Variants in NBEA observed in about 807,000 individuals in gnomAD.
NBEA encodes lysosomal-trafficking regulator 2.
In NBEA, 44 loss-of-function variants were observed where a neutral mutation model predicts 343.4. That is an observed-to-expected ratio of 0.13 (90% CI 0.10 to 0.16). NBEA has a LOEUF of 0.16. NBEA is among the 10% of genes least tolerant of loss of function. NBEA has a pLI of 1.00. For missense variants in NBEA, 2,555 were observed against 3,631.3 expected, an observed-to-expected ratio of 0.70 and a Z score of 7.62; for synonymous variants, 1,175 against 1,238.7, an observed-to-expected ratio of 0.95 and a Z score of 1.08.
At position 35,271,668 on chromosome 13, in the gene NBEA, G is replaced by A. The variant is rs113024880; in HGVS notation, c.5777-18721G>A. On this transcript the variant is annotated intron_variant, in intron 34 of 58. Coordinates refer to ENST00000379939, the MANE Select transcript of NBEA (RefSeq NM_001385012.1). ...GTGTAGAGAAGAGCTTAAGTGACCT[G>A]ATGGACCTGAAAATTGCAGTACGAG... is the stretch of plus-strand genomic sequence containing the variant. Among the ~76,000 whole-genome samples, 1,469 of 152,306 alleles carry A rather than the reference G, an allele frequency of 9.6e-3. 8 individuals are homozygous for A. Among genetic ancestry groups the A allele is most frequent in the Non-Finnish European group, 0.013 (881 of 68,024 alleles).
At chr13:35,208,569 G>A (rs2073554799) in intron 31 of NBEA, 131 bp from the exon 32 acceptor site, 2 of 731,596 alleles carry the variant, frequency 2.7e-6, no homozygotes, top group East Asian at 5.9e-5. Context: ...GGACTAAGGA[G>A]TTTAAAATTT....
At chr13:35,616,436 C>T (rs1204045249) in intron 48 of NBEA, among the ~76,000 whole-genome samples, 1 of 152,128 alleles carries the variant, frequency 6.6e-6, no homozygotes, top group African/African-American at 2.4e-5. Context: ...AATTGTGACC[C>T]AGACTTAAAA....
At chr13:35,230,643 A>G (rs117286929) in intron 33 of NBEA, among the ~76,000 whole-genome samples, 2,429 of 152,218 alleles carry the variant, frequency 0.016, 26 homozygotes, top group Middle Eastern at 0.034. Context: ...GAAGGAATTA[A>G]TGAAATTGTA....
chr13:34,967,225 G>T (rs1201776689), intron 1 of NBEA, among the ~76,000 whole-genome samples: 1 of 151,828 alleles, frequency 6.6e-6, no homozygotes, highest in Non-Finnish European at 1.5e-5. Context: ...TTGGGCAACT[G>T]AATTAAATCT....
intron 28 of NBEA, chr13:35,179,855 G>C (rs2071190090): frequency 1.1e-6 from 1 of 892,382 alleles, no homozygotes; most frequent in African/African-American, 1.8e-5. Flanking sequence ...AACTGCTTAG[G>C]CATTTGATTT....
chr13:35,289,826 A>G (rs993176871), intron 34 of NBEA, among the ~76,000 whole-genome samples: 6 of 151,796 alleles, frequency 4.0e-5, no homozygotes, highest in African/African-American at 1.4e-4. Flanking sequence ...ATTGGAGTAT[A>G]ACGGTGAAAT....
chr13:35,581,207 A>G (rs2081013159), intron 45 of NBEA, among the ~76,000 whole-genome samples: 1 of 152,148 alleles, frequency 6.6e-6, no homozygotes, highest in Non-Finnish European at 1.5e-5. Flanking sequence ...ACTGACTTCC[A>G]CAATGGTTGA....
intron 41 of NBEA, among the ~76,000 whole-genome samples, chr13:35,547,958 G>C (rs1395103064): frequency 1.3e-5 from 2 of 152,072 alleles, no homozygotes. Context: ...CTCTGCTACA[G>C]AACGGCTCGG....
At chr13:35,167,354 T>C (rs938764004) in intron 24 of NBEA, among the ~76,000 whole-genome samples, 4 of 151,998 alleles carry the variant, frequency 2.6e-5, no homozygotes, top group African/African-American at 9.7e-5. Context: ...ATTTTTGTAT[T>C]GCTGTTATAG....
intron 10 of NBEA, among the ~76,000 whole-genome samples, chr13:35,074,132 C>T (rs538412147): frequency 6.6e-6 from 1 of 152,208 alleles, no homozygotes; most frequent in East Asian, 1.9e-4. Flanking sequence ...ACTAGTACAA[C>T]TTTGTGTATG....
chr13:35,035,514 T>C (rs1021243101), intron 1 of NBEA, among the ~76,000 whole-genome samples: 5 of 152,046 alleles, frequency 3.3e-5, no homozygotes, highest in African/African-American at 1.2e-4. Flanking sequence ...TCTGTAAATA[T>C]CTATTAGCTC....
intron 10 of NBEA, among the ~76,000 whole-genome samples, chr13:35,092,072 T>TATATCA: frequency 6.6e-6 from 1 of 152,120 alleles, no homozygotes; most frequent in East Asian, 1.9e-4. Flanking sequence ...AGTAAACACA[T>TATATCA]ATATCAGTGA....
intron 45 of NBEA, among the ~76,000 whole-genome samples, chr13:35,569,757 T>A (rs992379255): frequency 6.6e-6 from 1 of 152,140 alleles, no homozygotes; most frequent in Non-Finnish European, 1.5e-5. Flanking sequence ...ATAGGTATAG[T>A]AGGGACTGTG....
At chr13:35,166,382 C>T (rs2070033481) in intron 24 of NBEA, among the ~76,000 whole-genome samples, 4 of 152,048 alleles carry the variant, frequency 2.6e-5, no homozygotes, top group African/African-American at 9.7e-5. Flanking sequence ...GATGATTGTA[C>T]AGTAAAGATA....
intron 39 of NBEA, among the ~76,000 whole-genome samples, chr13:35,433,498 A>G (rs994434356): frequency 4.6e-5 from 7 of 152,070 alleles, no homozygotes; most frequent in African/African-American, 7.2e-5. Flanking sequence ...TTCTTAATGA[A>G]TTGAACAGGG....
intron 38 of NBEA, among the ~76,000 whole-genome samples, chr13:35,367,890 T>C (rs2041214966): frequency 6.6e-6 from 1 of 151,526 alleles, no homozygotes; most frequent in African/African-American, 2.4e-5. Flanking sequence ...TACTAAGCAG[T>C]AAGTTAACAT....
intron 36 of NBEA, among the ~76,000 whole-genome samples, chr13:35,314,724 A>G (rs1328112471): frequency 6.6e-6 from 1 of 152,204 alleles, no homozygotes; most frequent in East Asian, 1.9e-4. Context: ...TTTCTTGCTC[A>G]GTTTCCCTGA....
chr13:35,478,362 T>C (rs1566194764), intron 41 of NBEA, among the ~76,000 whole-genome samples: 1 of 152,190 alleles, frequency 6.6e-6, no homozygotes, highest in Non-Finnish European at 1.5e-5. Flanking sequence ...TTTGCCGTCA[T>C]CGCGGGTGAA....
chr13:35,273,389 C>T (rs2034323817), intron 34 of NBEA, among the ~76,000 whole-genome samples: 2 of 152,120 alleles, frequency 1.3e-5, no homozygotes, highest in Admixed American at 6.5e-5. Context: ...TAAATGCCCA[C>T]AAGAGAAAGC....
Sources: gnomAD v4.1 joint callset for allele counts (sites outside exome capture counted in the v4.1 genomes callset) on GRCh38, gnomAD v4.1.1 for gene constraint, MANE v1.5 for transcripts, NCBI Gene and HGNC (gene_info 2026-07-23, HGNC 2026-07-21) for gene names.